LAMA3: variants seen among roughly 807,000 people sequenced by gnomAD.
The protein encoded by LAMA3 is laminin subunit alpha 3.
Under a neutral mutation model 402.0 loss-of-function variants are expected in LAMA3, and 281 were observed. The observed-to-expected ratio is 0.70, with a 90% CI of 0.63 to 0.77. LAMA3 has a LOEUF of 0.77. Among genes scored for constraint, LAMA3 ranks in the 30% least tolerant of loss-of-function variants. The probability of loss-of-function intolerance (pLI) is 0.00; values close to 1 mark genes in which losing one functional copy is unlikely to be tolerated. For missense variants in LAMA3, 3,840 were observed against 4,215.5 expected (o/e 0.91, Z 2.47); for synonymous variants, 1,431 against 1,558.4 (o/e 0.92, Z 1.93).
At chr18:23,882,884 T>C (rs1002648149) in intron 40 of LAMA3, among the ~76,000 whole-genome samples, 1 of 152,104 alleles carries the variant, frequency 6.6e-6, no homozygotes. Context: ...ATACACACAC[T>C]AATCAGTAAG....
In LAMA3 at chr18:23,815,589, G is replaced by A. The variant is rs769836387; in HGVS notation, c.2047+16G>A. ...GGGTGTCAAGGTAAATAAGTCCATTGGGCCCTGAGCAAAGCACAGTGTTGA... is the reference window on the plus strand; with the variant it reads ...GGGTGTCAAGGTAAATAAGTCCATTAGGCCCTGAGCAAAGCACAGTGTTGA... On this transcript the variant is annotated intron_variant, in intron 17 of 74. Transcript: ENST00000313654. The A allele has an allele frequency of 3.3e-6, 5 of 1,530,504 alleles. No individual in the cohort carries two copies. The South Asian group carries it at 5.6e-5, about 17-fold the overall frequency. 94.8% of individuals were successfully genotyped at this position (1,530,504 alleles called of 1,614,324 possible). A position where few individuals can be genotyped will look rare whatever the true frequency, so the allele number is the denominator to read the frequency against.
In LAMA3 at chr18:23,768,333, T is replaced by C. The variant is rs375846826; in HGVS notation, c.1182+4810T>C. Among the ~76,000 whole-genome samples, 8 of 152,130 alleles carry C rather than the reference T, an allele frequency of 5.3e-5. No individual in the cohort carries two copies. In the East Asian group the frequency reaches 5.8e-4, roughly 11 times the overall value. On this transcript the variant is annotated intron_variant, in intron 8 of 74. Transcript: ENST00000313654. ...TCCATTAAAAAATGGGCAAAAGACA[T>C]GAACAGACACTTTGCAGAAGAAGAC...
In LAMA3 at chr18:23,953,047, C is replaced by G. The variant is rs770490863; in HGVS notation, c.9794C>G (p.Ala3265Gly). 1.9e-6 allele frequency: 3 copies of G among 1,614,178 alleles called. No homozygotes were observed. The change falls in exon 74 of 75, where the codon GCT (alanine) becomes GGT (glycine). Residue 3265 changes from alanine to glycine, a missense_variant. By Grantham distance (60) the Ala-to-Gly change is moderately conservative. Around this residue, in one of 3 missense-constraint regions of LAMA3, gnomAD observed 840 missense variants for 981.9 expected, o/e 0.86. Transcript: ENST00000313654. ...CTGGACACAGACAGTAGCTACACAGCTGGACAGATCCCCTTCCCACCTGCC... is the reference window on the plus strand; with the variant it reads ...CTGGACACAGACAGTAGCTACACAGGTGGACAGATCCCCTTCCCACCTGCC... The part of the protein sequence containing the change: ...LELDTDSSYT[A>G]GQIPFPPAST...
At chr18:23,853,533 A>C (rs1274793320) in intron 32 of LAMA3, among the ~76,000 whole-genome samples, 1 of 152,106 alleles carries the variant, frequency 6.6e-6, no homozygotes, top group African/African-American at 2.4e-5. Context: ...CAGCCTCCCA[A>C]AGTGCTGGAA....
chr18:23,939,672 AT>A (rs1030573187), intron 68 of LAMA3, among the ~76,000 whole-genome samples: 5 of 151,858 alleles, frequency 3.3e-5, no homozygotes, highest in African/African-American at 1.2e-4. Flanking sequence ...TAAGGATGAC[AT>A]TTTTTTTCTA....
intron 41 of LAMA3, among the ~76,000 whole-genome samples, chr18:23,885,507 T>C (rs528706635): frequency 6.6e-6 from 1 of 152,108 alleles, no homozygotes; most frequent in South Asian, 2.1e-4. Context: ...TGTTGTGGAA[T>C]GGAAACTGTA....
At chr18:23,913,154 A>G (rs1037481719) in intron 56 of LAMA3, among the ~76,000 whole-genome samples, 5 of 152,178 alleles carry the variant, frequency 3.3e-5, no homozygotes, top group Non-Finnish European at 7.3e-5. Context: ...CATGTAAAAA[A>G]CATATGCACT....
intron 62 of LAMA3, among the ~76,000 whole-genome samples, chr18:23,927,863 C>G (rs1032037480): frequency 6.6e-6 from 1 of 151,854 alleles, no homozygotes; most frequent in Non-Finnish European, 1.5e-5. Flanking sequence ...GTCTCTTTAC[C>G]TTTTGCGGCC....
chr18:23,916,179 G>A (rs1300570229), intron 59 of LAMA3, among the ~76,000 whole-genome samples: 3 of 151,950 alleles, frequency 2.0e-5, no homozygotes, highest in African/African-American at 2.4e-5. Flanking sequence ...ACAAGGACAT[G>A]GTATATTCTA....
At chr18:23,945,274 T>C (rs1488411758) in intron 69 of LAMA3, among the ~76,000 whole-genome samples, 1 of 152,126 alleles carries the variant, frequency 6.6e-6, no homozygotes, top group African/African-American at 2.4e-5. Context: ...GCGGAGGCTG[T>C]GGGGAGGTCG....
chr18:23,791,826 A>G (rs1002495263), intron 12 of LAMA3, among the ~76,000 whole-genome samples: 5 of 152,266 alleles, frequency 3.3e-5, no homozygotes, highest in Middle Eastern at 3.4e-3. Flanking sequence ...CACACTTTCA[A>G]ATGAAAATCA....
chr18:23,814,646 C>G (rs971964189), intron 15 of LAMA3, 144 bp downstream of exon 15: 32 of 645,508 alleles, frequency 5.0e-5, no homozygotes, highest in South Asian at 7.3e-5. Context: ...GTTTTCCCCC[C>G]ACTTTTGACA....
rs2063643476 is a variant in LAMA3 at position 23,839,093 on chromosome 18, C to T, written c.3191+215C>T. On this transcript the variant is annotated intron_variant, in intron 26 of 74. Coordinates refer to ENST00000313654, the MANE Select transcript of LAMA3 (RefSeq NM_198129.4). This position sits in a 1 kb window ranked among gnomAD's most constrained non-coding sequence, Gnocchi z 4.5. ...ATCAGGAAGCTGACCCAGGAACAAC[C>T]AGGGAAATGGTTAAGCCTACCCCTG... 6.6e-6 allele frequency among the ~76,000 whole-genome samples: 1 copy of T among 152,196 alleles called. No individual in the cohort carries two copies. The highest frequency in any genetic ancestry group is 6.5e-5 in the Admixed American group (1 of 15,290).
intron 55 of LAMA3, among the ~76,000 whole-genome samples, chr18:23,910,466 G>A (rs1389291044): frequency 6.6e-6 from 1 of 152,192 alleles, no homozygotes; most frequent in African/African-American, 2.4e-5. Context: ...GTTGGCATTG[G>A]CACTTCTTTG....
intron 27 of LAMA3, among the ~76,000 whole-genome samples, chr18:23,841,258 G>C (rs911156062): frequency 1.3e-5 from 2 of 152,198 alleles, no homozygotes; most frequent in Admixed American, 6.5e-5. Context: ...TCTGAAAAAT[G>C]AGGATGAGCT....
intron 48 of LAMA3, among the ~76,000 whole-genome samples, chr18:23,902,629 G>T (rs573301301): frequency 1.3e-5 from 2 of 152,134 alleles, no homozygotes; most frequent in Non-Finnish European, 2.9e-5. Flanking sequence ...GTGACCTCTC[G>T]GTCAAGTGCC....
chr18:23,823,987 A>G (rs2063334443), intron 20 of LAMA3, among the ~76,000 whole-genome samples: 2 of 152,176 alleles, frequency 1.3e-5, no homozygotes, highest in African/African-American at 2.4e-5. Context: ...GTCATGAGCT[A>G]TGATGGCATC....
At chr18:23,841,549 T>C (rs2144589405) in intron 27 of LAMA3, among the ~76,000 whole-genome samples, 1 of 152,320 alleles carries the variant, frequency 6.6e-6, no homozygotes, top group East Asian at 1.9e-4. Context: ...CCCTGAGATG[T>C]CTTATCAGCT....
At chr18:23,883,229 G>C (rs1418170233) in intron 40 of LAMA3, among the ~76,000 whole-genome samples, 1 of 152,106 alleles carries the variant, frequency 6.6e-6, no homozygotes, top group Non-Finnish European at 1.5e-5. Flanking sequence ...AAATTTTGGG[G>C]CAGTTCTGAG....
Sources: gnomAD v4.1 joint callset for allele counts (sites outside exome capture counted in the v4.1 genomes callset) on GRCh38, gnomAD v4.1.1 for gene constraint, gnomAD v4.1.1 regional missense constraint, Gnocchi (gnomAD v3.1) non-coding constraint, MANE v1.5 for transcripts, NCBI Gene and HGNC (gene_info 2026-07-23, HGNC 2026-07-21) for gene names.